Variants in ABHD12 observed in about 807,000 individuals in gnomAD.
ABHD12 encodes the protein abhydrolase domain containing 12, lysophospholipase.
A neutral mutation model predicts 58.3 loss-of-function variants in ABHD12; 43 were observed. The ratio of observed to expected loss-of-function variants is 0.74; its 90% CI spans 0.58 to 0.95. The LOEUF is 0.95. Among genes scored for constraint, ABHD12 ranks in the 40% least tolerant of loss-of-function variants. The pLI is 0.00. For synonymous variants in ABHD12, 219 were observed against 211.2 expected, an observed-to-expected ratio of 1.04 and a Z score of -0.32; for missense variants, 539 against 537.2, an observed-to-expected ratio of 1.00 and a Z score of -0.03.
intron 1 of ABHD12, among the ~76,000 whole-genome samples, chr20:25,353,000 A>C (rs1394201124): frequency 1.3e-5 from 2 of 152,176 alleles, no homozygotes; most frequent in East Asian, 1.9e-4. Flanking sequence ...CAAGAGTGAG[A>C]CTCTGTCTCT....
At chr20:25,295,172 T>C in intron 12 of ABHD12, 3 of 878,896 alleles carry the variant, frequency 3.4e-6, no homozygotes, top group Non-Finnish European at 5.7e-6. Flanking sequence ...CAAGTCAGTA[T>C]TTCCTGTGTA....
chr20:25,355,111 CCTG>C (rs1307445780), intron 1 of ABHD12, among the ~76,000 whole-genome samples: 2 of 152,172 alleles, frequency 1.3e-5, no homozygotes, highest in Non-Finnish European at 2.9e-5. Context: ...GCAGCACATT[CCTG>C]CTAAGCTACA....
chr20:25,320,446 C>T, intron 3 of ABHD12, 128 bp from the exon 4 acceptor site: 1 of 1,250,634 alleles, frequency 8.0e-7, no homozygotes, highest in Non-Finnish European at 1.1e-6. Flanking sequence ...CATCTAACTA[C>T]AGGGGAACAG....
chr20:25,337,595 G>A (rs1185194974), intron 2 of ABHD12, among the ~76,000 whole-genome samples: 2 of 152,248 alleles, frequency 1.3e-5, no homozygotes, highest in Admixed American at 6.5e-5. Flanking sequence ...AGGCCACGCA[G>A]GGCAATGCAC....
chr20:25,365,566 T>C (rs552356018), intron 1 of ABHD12, among the ~76,000 whole-genome samples: 1 of 152,340 alleles, frequency 6.6e-6, no homozygotes, highest in Non-Finnish European at 1.5e-5. Context: ...ATTTTGTATG[T>C]ACAGATAGGA....
downstream of ABHD12, chr20:25,296,565 G>C: frequency 6.3e-7 from 1 of 1,578,238 alleles, no homozygotes; most frequent in Non-Finnish European, 8.6e-7. Context: ...TTGTTTTCTT[G>C]CTGACTTTGC....
chr20:25,302,779 G>C (rs1296794462), intron 11 of ABHD12, among the ~76,000 whole-genome samples: 1 of 152,172 alleles, frequency 6.6e-6, no homozygotes, highest in South Asian at 2.1e-4. Flanking sequence ...TGAGCTGTGC[G>C]CTGCTGGGCG....
At chr20:25,388,835 C>T (rs1261558700) in intron 1 of ABHD12, among the ~76,000 whole-genome samples, 1 of 134,082 alleles carries the variant, frequency 7.5e-6, no homozygotes, top group Non-Finnish European at 1.5e-5. Context: ...GTTGTCCAGG[C>T]TGGAGTGCAC....
chr20:25,306,364 C>T (rs1295794917), intron 10 of ABHD12, among the ~76,000 whole-genome samples: 1 of 151,890 alleles, frequency 6.6e-6, no homozygotes, highest in Non-Finnish European at 1.5e-5. Context: ...CTTTACTTGC[C>T]CCCTGGCCCA....
In ABHD12 at chr20:25,390,668, A is replaced by C. The variant is rs915266210; in HGVS notation, c.36T>G (p.His12Gln). 3.4e-5 allele frequency: 49 copies of C among 1,435,372 alleles called. No homozygotes were observed. The highest frequency in any genetic ancestry group is 4.0e-5 in the Non-Finnish European group (44 of 1,097,462). The allele number at this position is 1,435,372 out of a possible 1,614,324, so 88.9% of individuals were successfully genotyped here. Residue 12 changes from histidine to glutamine, a missense_variant, in exon 1 of 13, where the codon CAT (histidine) becomes CAG (glutamine). Physicochemically the swap from His to Gln is conservative, Grantham distance 24. Transcript: ENST00000339157. ...RKRTEPVALE[H>Q]ERCAAAGSSS... Reference sequence around the variant, plus strand: ...ACGAGCCCGCGGCGGCGCAGCGCTCATGCTCCAAGGCGACGGGCTCGGTCC... The same window carrying C: ...ACGAGCCCGCGGCGGCGCAGCGCTCCTGCTCCAAGGCGACGGGCTCGGTCC...
chr20:25,327,644 C>A (rs1426068794), intron 2 of ABHD12, among the ~76,000 whole-genome samples: 3 of 152,068 alleles, frequency 2.0e-5, no homozygotes, highest in South Asian at 4.1e-4. Context: ...TAGTTTAAAG[C>A]GAAGATGATA....
At chr20:25,380,745 G>A (rs546447994) in intron 1 of ABHD12, among the ~76,000 whole-genome samples, 50 of 152,194 alleles carry the variant, frequency 3.3e-4, no homozygotes, top group African/African-American at 1.0e-3. Flanking sequence ...CCTCTGTCCT[G>A]ACTTGTCTGC....
chr20:25,308,452 C>A lies in ABHD12; in HGVS notation c.787+5G>T, dbSNP rs751919839. 6.2e-7 allele frequency: 1 copy of A among 1,611,334 alleles called. No homozygotes were observed. Among genetic ancestry groups the A allele is most frequent in the Non-Finnish European group, 8.5e-7 (1 of 1,179,052 alleles). On this transcript the variant is annotated splice_donor_5th_base_variant and intron_variant, in intron 8 of 12. Transcript: ENST00000339157. ...GCCACGGCTGGGGCCCAACAAGGCA[C>A]TCACCTCGCTCACAGAGGCGCCGCA...
intron 1 of ABHD12, among the ~76,000 whole-genome samples, chr20:25,363,910 G>A (rs1210984422): frequency 1.3e-5 from 2 of 152,014 alleles, no homozygotes; most frequent in Non-Finnish European, 2.9e-5. Flanking sequence ...TGCAGTATGT[G>A]GGCAACTTAT....
intron 3 of ABHD12, among the ~76,000 whole-genome samples, chr20:25,322,920 A>C (rs1454433453): frequency 2.0e-5 from 3 of 151,198 alleles, no homozygotes; most frequent in South Asian, 4.2e-4. Flanking sequence ...ATGGGGTTTC[A>C]CCTTGTCGCC....
chr20:25,297,324 G>A (rs2088563189), downstream of ABHD12: 1 of 152,290 alleles, frequency 6.6e-6, no homozygotes, highest in Non-Finnish European at 1.5e-5. Flanking sequence ...ACTAGCTGAA[G>A]CCTTTTCTTG....
At chr20:25,390,154 T>G (rs1218061814) in intron 1 of ABHD12, 1 of 197,652 alleles carries the variant, frequency 5.1e-6, no homozygotes, top group African/African-American at 2.3e-5. Flanking sequence ...TACCCTGCTC[T>G]CCCACGCGGG....
rs1171407764 is a variant in ABHD12 at position 25,390,641 on chromosome 20, G to C, written c.63C>G (p.Ser21=). 3 of 1,449,064 alleles carry C rather than the reference G, an allele frequency of 2.1e-6. No homozygotes were observed. Among genetic ancestry groups the C allele is most frequent in the East Asian group, 3.1e-5 (1 of 32,010 alleles). 89.8% of individuals were successfully genotyped at this position (1,449,064 alleles called of 1,614,324 possible). A position where few individuals can be genotyped will look rare whatever the true frequency, so the allele number is the denominator to read the frequency against. The part of the protein sequence containing the change: ...EHERCAAAGS[S]SSGSAAAALD... Reference sequence around the variant, plus strand: ...GCGCCGCGGCGGCCGAGCCGGAGGAGGACGAGCCCGCGGCGGCGCAGCGCT... The same window carrying C: ...GCGCCGCGGCGGCCGAGCCGGAGGACGACGAGCCCGCGGCGGCGCAGCGCT... Residue 21 remains serine, a synonymous_variant, in exon 1 of 13, where the codon TCC becomes TCG. Transcript: ENST00000339157.
chr20:25,361,095 C>T (rs896285470), intron 1 of ABHD12, among the ~76,000 whole-genome samples: 3 of 152,208 alleles, frequency 2.0e-5, no homozygotes, highest in African/African-American at 7.2e-5. Context: ...GGCCCACCGC[C>T]CCTGCAATCC....
Sources: allele counts gnomAD v4.1 joint callset (sites outside exome capture counted in the v4.1 genomes callset), GRCh38; gene constraint gnomAD v4.1.1; transcripts MANE v1.5; gene names NCBI Gene and HGNC (gene_info 2026-07-23, HGNC 2026-07-21).